The following GNG2 variants were observed in gnomAD, a reference collection of about 807,000 sequenced individuals.
GNG2 encodes guanine nucleotide-binding protein G(I)/G(S)/G(O) subunit gamma-2.
Under a neutral mutation model 5.5 loss-of-function variants are expected in GNG2, and 5 were observed. The observed-to-expected ratio is 0.91, with a 90% confidence interval of 0.48 to 1.92. GNG2 has a LOEUF of 1.92. Among genes scored for constraint, GNG2 ranks in the 30% most tolerant of loss-of-function variants. The pLI is 0.01. For synonymous variants in GNG2, 28 were observed against 32.0 expected (o/e 0.88, Z 0.42); for missense variants, 55 against 88.4 (o/e 0.62, Z 1.52).
Position 51,969,451 on chromosome 14 carries a change from A to T in GNG2, c.*2764A>T, listed in dbSNP as rs1890101196. 6.6e-6 allele frequency: 1 copy of T among 152,210 alleles called. No individual in the cohort carries two copies. The highest frequency in any genetic ancestry group is 1.5e-5 in the Non-Finnish European group (1 of 68,026). The allele number at this position is 152,210 out of a possible 1,614,324, so 9.4% of individuals were successfully genotyped here. On this transcript the variant is annotated 3_prime_UTR_variant, in exon 4 of 4. Transcript: ENST00000556766. ...ATTTGAAGGAGATTGCCTACCAAGG[A>T]CAAAACAATAAATTTAAAAATCAAA...
At chr14:51,877,772 C>T (rs2140134638) in intron 2 of GNG2, 115 bp downstream of exon 2, 1 of 359,064 alleles carries the variant, frequency 2.8e-6, no homozygotes, top group Non-Finnish European at 5.6e-6. Context: ...TTGAAAGAAA[C>T]AGTCATAGAG....
At chr14:51,847,539 C>A (rs926159862) in intron 2 of GNG2, among the ~76,000 whole-genome samples, 1 of 151,604 alleles carries the variant, frequency 6.6e-6, no homozygotes, top group African/African-American at 2.4e-5. Flanking sequence ...CATCCTGGAG[C>A]TGAAGGTAGT....
intron 2 of GNG2, among the ~76,000 whole-genome samples, chr14:51,830,473 T>A (rs534876264): frequency 6.6e-6 from 1 of 152,336 alleles, no homozygotes; most frequent in African/African-American, 2.4e-5. Context: ...GGTTCATATT[T>A]ATCACGTCCA....
intron 2 of GNG2, among the ~76,000 whole-genome samples, chr14:51,896,326 A>T (rs922151341): frequency 6.6e-6 from 1 of 152,256 alleles, no homozygotes; most frequent in African/African-American, 2.4e-5. Context: ...TTCAGTCTTC[A>T]AAAACCCTGG....
intron 1 of GNG2, among the ~76,000 whole-genome samples, chr14:51,872,085 C>G (rs1883336240): frequency 6.6e-6 from 1 of 152,174 alleles, no homozygotes; most frequent in Non-Finnish European, 1.5e-5. Flanking sequence ...GTCATACTGT[C>G]AAGACAACAC....
chr14:51,845,054 TG>T (rs1380529978), intron 2 of GNG2, among the ~76,000 whole-genome samples: 3 of 152,230 alleles, frequency 2.0e-5, no homozygotes, highest in African/African-American at 7.2e-5. Flanking sequence ...TGAAACAACT[TG>T]GTGCTCTTGC....
intron 2 of GNG2, chr14:51,916,619 G>A: frequency 2.5e-6 from 1 of 397,078 alleles, no homozygotes; most frequent in Non-Finnish European, 4.9e-6. Context: ...GAAGCCAGAA[G>A]TAGAAGAAGA....
At chr14:51,952,028 C>A in intron 3 of GNG2, 1 of 625,208 alleles carries the variant, frequency 1.6e-6, no homozygotes, top group Non-Finnish European at 2.8e-6. Context: ...ATGATTCAGG[C>A]ATCAGTATTT....
intron 3 of GNG2, among the ~76,000 whole-genome samples, chr14:51,956,017 G>A (rs1448900048): frequency 6.6e-6 from 1 of 152,128 alleles, no homozygotes; most frequent in Non-Finnish European, 1.5e-5. Context: ...TCTAGGTTTA[G>A]GACATTTTAA....
chr14:51,952,142 A>G (rs924046256), intron 3 of GNG2: 7 of 467,176 alleles, frequency 1.5e-5, no homozygotes, highest in East Asian at 1.0e-4. Flanking sequence ...GGTATGTGCT[A>G]GAGAGTGAAG....
intron 2 of GNG2, among the ~76,000 whole-genome samples, chr14:51,896,953 T>C (rs1885232249): frequency 6.6e-6 from 1 of 152,172 alleles, no homozygotes; most frequent in Non-Finnish European, 1.5e-5. Flanking sequence ...ATATATGAAT[T>C]ATATAATGAT....
At chr14:51,879,585 T>G (rs144213782) in intron 2 of GNG2, among the ~76,000 whole-genome samples, 2,116 of 152,314 alleles carry the variant, frequency 0.014, 18 homozygotes, top group South Asian at 0.023. Flanking sequence ...AACAAGACTG[T>G]GTTCCTTTCT....
intron 2 of GNG2, among the ~76,000 whole-genome samples, chr14:51,944,983 T>C (rs1430274568): frequency 6.6e-6 from 1 of 152,058 alleles, no homozygotes; most frequent in Admixed American, 6.6e-5. Context: ...GTTGAATAGG[T>C]ATCTCCGCAA....
intron 3 of GNG2, among the ~76,000 whole-genome samples, chr14:51,961,049 G>A (rs1594965153): frequency 6.6e-6 from 1 of 152,046 alleles, no homozygotes; most frequent in South Asian, 2.1e-4. Context: ...ACTCTGTCTG[G>A]GTACTCCCTC....
chr14:51,954,906 C>T (rs1407477326), intron 3 of GNG2, among the ~76,000 whole-genome samples: 1 of 152,150 alleles, frequency 6.6e-6, no homozygotes, highest in African/African-American at 2.4e-5. Flanking sequence ...AGAATGAGCC[C>T]TCTCCAGCTT....
chr14:51,831,045 G>A (rs902034950), intron 2 of GNG2, among the ~76,000 whole-genome samples: 8 of 152,162 alleles, frequency 5.3e-5, no homozygotes, highest in African/African-American at 1.9e-4. Flanking sequence ...CACCAGGCAT[G>A]CTCCAGCCTC....
At chr14:51,828,322 G>T (rs769441177) in intron 2 of GNG2, among the ~76,000 whole-genome samples, 1 of 152,164 alleles carries the variant, frequency 6.6e-6, no homozygotes, top group Non-Finnish European at 1.5e-5. Context: ...CCTGAGCTCC[G>T]GATTGTTTCC....
At chr14:51,872,310 T>TTGTG (rs35147124) in intron 1 of GNG2, among the ~76,000 whole-genome samples, 52 of 149,988 alleles carry the variant, frequency 3.5e-4, no homozygotes, top group Middle Eastern at 3.4e-3. Context: ...AATGACTATT[T>TTGTG]TGTGTGTGTG....
intron 1 of GNG2, among the ~76,000 whole-genome samples, chr14:51,876,996 C>T (rs980050706): frequency 2.0e-5 from 3 of 152,184 alleles, no homozygotes; most frequent in African/African-American, 4.8e-5. Context: ...GAACCACACT[C>T]GGCACTGGAC....
Sources: gnomAD v4.1 joint callset for allele counts (sites outside exome capture counted in the v4.1 genomes callset) on GRCh38, gnomAD v4.1.1 for gene constraint, MANE v1.5 for transcripts, NCBI Gene and HGNC (gene_info 2026-07-23, HGNC 2026-07-21) for gene names.